PDE4B: variants seen among roughly 807,000 people sequenced by gnomAD.
PDE4B encodes 3',5'-cyclic-AMP phosphodiesterase 4B.
PDE4B carries 20 observed loss-of-function variants against 82.2 expected under a neutral mutation model. That is an observed-to-expected ratio of 0.24 (90% confidence interval 0.17 to 0.35). The LOEUF (loss-of-function observed/expected upper bound fraction) is 0.35. Among genes scored for constraint, PDE4B ranks in the 10% least tolerant of loss-of-function variants. PDE4B has a pLI of 1.00. For synonymous variants in PDE4B, 320 were observed against 318.9 expected (o/e 1.00, Z -0.04); for missense variants, 655 against 907.2 (o/e 0.72, Z 3.57).
In PDE4B at chr1:65,882,944, C is replaced by A. The variant is rs189140756; in HGVS notation, c.-70-30301C>A. 1.3e-3 allele frequency among the ~76,000 whole-genome samples: 193 copies of A among 152,232 alleles called. 2 individuals are homozygous for A. Among genetic ancestry groups the A allele is most frequent in the African/African-American group, 4.5e-3 (185 of 41,552 alleles). On this transcript the variant is annotated intron_variant, in intron 1 of 16. Transcript: ENST00000341517. ...AGAGGCCATAAAAGTGGAAGAAGCA[C>A]TGAACTTGGAATTTATGTCTTCATT...
intron 3 of PDE4B, among the ~76,000 whole-genome samples, chr1:66,130,688 T>C (rs1645923342): frequency 6.6e-6 from 1 of 152,186 alleles, no homozygotes; most frequent in African/African-American, 2.4e-5. Context: ...CTATACCCTA[T>C]ACTCAATTTT....
chr1:65,887,255 C>CTTTCT (rs1557799117), intron 1 of PDE4B, among the ~76,000 whole-genome samples: 1 of 39,256 alleles, frequency 2.5e-5, no homozygotes. Flanking sequence ...TCTTTTCTTT[C>CTTTCT]TTTCTTTCCT....
intron 8 of PDE4B, among the ~76,000 whole-genome samples, chr1:66,353,538 T>C (rs1356320600): frequency 2.0e-5 from 3 of 152,206 alleles, no homozygotes; most frequent in Admixed American, 6.5e-5. Flanking sequence ...TGCTTTGCTA[T>C]TCCTTCAACT....
intron 3 of PDE4B, among the ~76,000 whole-genome samples, chr1:66,177,763 G>A (rs969236867): frequency 2.0e-5 from 3 of 152,124 alleles, no homozygotes; most frequent in Non-Finnish European, 4.4e-5. Flanking sequence ...TAGGCCTCTG[G>A]TGTTTTATTG....
chr1:65,910,178 T>C (rs2100449144), intron 1 of PDE4B, among the ~76,000 whole-genome samples: 1 of 152,336 alleles, frequency 6.6e-6, no homozygotes, highest in East Asian at 1.9e-4. Flanking sequence ...CGTAGAGTGC[T>C]TAAAAATGGC....
chr1:66,225,107 G>C (rs1043005499), intron 3 of PDE4B, among the ~76,000 whole-genome samples: 1 of 152,034 alleles, frequency 6.6e-6, no homozygotes. Context: ...CCCTCACCTT[G>C]ATCATCAATT....
At chr1:66,310,267 G>A (rs1442307074) in intron 7 of PDE4B, among the ~76,000 whole-genome samples, 2 of 152,152 alleles carry the variant, frequency 1.3e-5, no homozygotes, top group Non-Finnish European at 2.9e-5. Flanking sequence ...GGCTCATAGA[G>A]GCTAAGGGGC....
intron 9 of PDE4B, 114 bp from the exon 10 acceptor site, chr1:66,361,501 G>T: frequency 1.3e-6 from 1 of 776,940 alleles, no homozygotes; most frequent in South Asian, 2.1e-5. Context: ...AGTGCTACAA[G>T]ATTTTATTTT....
At chr1:66,088,982 A>AC (rs1386426272) in intron 3 of PDE4B, among the ~76,000 whole-genome samples, 3 of 152,106 alleles carry the variant, frequency 2.0e-5, no homozygotes, top group Non-Finnish European at 2.9e-5. Context: ...CATATGACCC[A>AC]CATTAGACAC....
At chr1:66,308,560 T>C (rs1480141810) in intron 7 of PDE4B, among the ~76,000 whole-genome samples, 1 of 152,132 alleles carries the variant, frequency 6.6e-6, no homozygotes, top group African/African-American at 2.4e-5. Context: ...CAAAGATTAG[T>C]GTTTGTCTCT....
intron 1 of PDE4B, among the ~76,000 whole-genome samples, chr1:65,834,131 G>C (rs1046358957): frequency 6.6e-6 from 1 of 152,194 alleles, no homozygotes; most frequent in South Asian, 2.1e-4. Context: ...TGCAACCTCC[G>C]CCTCCCGGGT....
intron 1 of PDE4B, among the ~76,000 whole-genome samples, chr1:65,841,580 G>C (rs1242976417): frequency 1.3e-5 from 2 of 152,116 alleles, no homozygotes; most frequent in East Asian, 1.9e-4. Context: ...GTCATCTAAG[G>C]CTTCAAGGGA....
At chr1:66,036,181 T>C (rs1054620246) in intron 3 of PDE4B, among the ~76,000 whole-genome samples, 3 of 152,228 alleles carry the variant, frequency 2.0e-5, no homozygotes, top group Non-Finnish European at 4.4e-5. Context: ...ATTTTTTTCC[T>C]TGTTATTGAG....
chr1:66,131,809 A>G (rs1333863327), intron 3 of PDE4B, among the ~76,000 whole-genome samples: 1 of 151,678 alleles, frequency 6.6e-6, no homozygotes, highest in Non-Finnish European at 1.5e-5. Flanking sequence ...ACCGTATATC[A>G]TACCAGAGGT....
chr1:65,895,391 A>C (rs758922259), intron 1 of PDE4B, among the ~76,000 whole-genome samples: 1 of 152,020 alleles, frequency 6.6e-6, no homozygotes, highest in African/African-American at 2.4e-5. Context: ...CTCTACTGAA[A>C]ATATGAAAAT....
intron 3 of PDE4B, among the ~76,000 whole-genome samples, chr1:66,175,951 A>C (rs1646923860): frequency 6.6e-6 from 1 of 152,238 alleles, no homozygotes; most frequent in Non-Finnish European, 1.5e-5. Flanking sequence ...AATGTCATGC[A>C]AAAGATTTTT....
intron 3 of PDE4B, among the ~76,000 whole-genome samples, chr1:66,088,319 A>C (rs1055723567): frequency 6.6e-6 from 1 of 152,038 alleles, no homozygotes; most frequent in Non-Finnish European, 1.5e-5. Flanking sequence ...GGATGATGAG[A>C]TCCAAGAACC....
chr1:65,889,879 T>C (rs1485823820), intron 1 of PDE4B, among the ~76,000 whole-genome samples: 3 of 152,114 alleles, frequency 2.0e-5, no homozygotes, highest in Non-Finnish European at 4.4e-5. Flanking sequence ...GTATAAACAG[T>C]AAATGTAATA....
intron 2 of PDE4B, among the ~76,000 whole-genome samples, chr1:65,915,745 C>T (rs955776538): frequency 1.3e-5 from 2 of 152,128 alleles, no homozygotes; most frequent in African/African-American, 4.8e-5. Context: ...TTTACACTAC[C>T]TTTTCCTTTG....
Sources: gnomAD v4.1 joint callset for allele counts (sites outside exome capture counted in the v4.1 genomes callset) on GRCh38, gnomAD v4.1.1 for gene constraint, MANE v1.5 for transcripts, NCBI Gene and HGNC (gene_info 2026-07-23, HGNC 2026-07-21) for gene names.